Variants in CASK observed in about 807,000 individuals in gnomAD.
The protein encoded by CASK is calcium/calmodulin dependent serine protein kinase.
In CASK, 4 loss-of-function variants were observed where a neutral mutation model predicts 82.9. The observed-to-expected ratio is 0.05, with a 90% CI of 0.02 to 0.11. The LOEUF (loss-of-function observed/expected upper bound fraction) is 0.11, where lower values mean the gene tolerates loss of function less well. Among genes scored for constraint, CASK ranks in the 10% least tolerant of loss-of-function variants. CASK has a pLI of 1.00. For synonymous variants in CASK, 259 were observed against 253.5 expected (o/e 1.02, Z -0.20); for missense variants, 358 against 720.9 (o/e 0.50, Z 5.76).
chrX:41,778,473 C>T (rs746466961), intron 3 of CASK, among the ~76,000 whole-genome samples: 5 of 110,779 alleles, frequency 4.5e-5, no homozygotes, highest in African/African-American at 6.6e-5. Context: ...TCAAGTGATC[C>T]GCCCGCCTTG....
chrX:41,912,300 G>GTTTTTTTTTT (rs774775542), intron 1 of CASK, among the ~76,000 whole-genome samples: 5 of 53,170 alleles, frequency 9.4e-5, no homozygotes, highest in Non-Finnish European at 1.4e-4. Context: ...TTTGTTTTCT[G>GTTTTTTTTTT]TTTTTTTTTT....
At chrX:41,846,515 C>A (rs925733381) in intron 2 of CASK, among the ~76,000 whole-genome samples, 26 of 110,258 alleles carry the variant, frequency 2.4e-4, no homozygotes, top group Non-Finnish European at 4.4e-4. Context: ...ATGAATAAGA[C>A]CTAGTATTTG....
At chrX:41,534,341 ATT>A (rs1452976834) in intron 24 of CASK, among the ~76,000 whole-genome samples, 1 of 109,815 alleles carries the variant, frequency 9.1e-6, no homozygotes, top group African/African-American at 3.3e-5. Context: ...TGTATGACAT[ATT>A]GTTAGAAAAA....
At chrX:41,822,252 T>C (rs185375963) in intron 2 of CASK, among the ~76,000 whole-genome samples, 1 of 112,083 alleles carries the variant, frequency 8.9e-6, no homozygotes, top group Non-Finnish European at 1.9e-5. Context: ...TTGTTGAGCA[T>C]TTACTATGTG....
chrX:41,616,008 T>C (rs1242954857), intron 11 of CASK, among the ~76,000 whole-genome samples: 5 of 111,679 alleles, frequency 4.5e-5, no homozygotes, highest in Non-Finnish European at 3.8e-5. Context: ...AACAACCTTT[T>C]ATCAAGTGAA....
At chrX:41,891,632 T>C (rs1345823475) in intron 1 of CASK, among the ~76,000 whole-genome samples, 1 of 111,667 alleles carries the variant, frequency 9.0e-6, no homozygotes, top group African/African-American at 3.3e-5. Context: ...AGTTGTAATA[T>C]CCAATCATAT....
intron 2 of CASK, among the ~76,000 whole-genome samples, chrX:41,849,521 A>G (rs1023762659): frequency 8.9e-6 from 1 of 111,927 alleles, no homozygotes; most frequent in East Asian, 2.8e-4. Flanking sequence ...TCATGTTCAT[A>G]AGCATGAATT....
chrX:41,796,668 C>T (rs1311816330), intron 2 of CASK, among the ~76,000 whole-genome samples: 2 of 111,971 alleles, frequency 1.8e-5, no homozygotes, highest in African/African-American at 3.2e-5. Context: ...ATGTGTGTGG[C>T]CTACTGATTA....
At chrX:41,804,066 G>A (rs1250725099) in intron 2 of CASK, among the ~76,000 whole-genome samples, 2 of 111,468 alleles carry the variant, frequency 1.8e-5, no homozygotes, top group Non-Finnish European at 3.8e-5. Flanking sequence ...TATGATAATT[G>A]GCCAGGCGCG....
intron 1 of CASK, among the ~76,000 whole-genome samples, chrX:41,897,530 A>G (rs1184102677): frequency 9.0e-6 from 1 of 111,574 alleles, no homozygotes; most frequent in Non-Finnish European, 1.9e-5. Context: ...GTGTGATAAT[A>G]GTTTTTAAGT....
chrX:41,894,039 A>C (rs892704691), intron 1 of CASK, among the ~76,000 whole-genome samples: 1 of 112,129 alleles, frequency 8.9e-6, no homozygotes, highest in African/African-American at 3.2e-5. Context: ...GAAAAAAAGC[A>C]GCCAATAGAA....
At chrX:41,813,109 A>G (rs1162495032) in intron 2 of CASK, among the ~76,000 whole-genome samples, 1 of 111,830 alleles carries the variant, frequency 8.9e-6, no homozygotes, top group Non-Finnish European at 1.9e-5. Context: ...AACAAATGGA[A>G]GAACATTCCA....
At chrX:41,854,236 A>ACACACT (rs2071330603) in intron 1 of CASK, among the ~76,000 whole-genome samples, 9 of 106,747 alleles carry the variant, frequency 8.4e-5, no homozygotes, top group Admixed American at 5.9e-4. Context: ...ACACACACAC[A>ACACACT]CACACACACA....
At chrX:41,813,660 A>G (rs2070351496) in intron 2 of CASK, among the ~76,000 whole-genome samples, 1 of 111,680 alleles carries the variant, frequency 9.0e-6, no homozygotes, top group African/African-American at 3.3e-5. Context: ...CCTAGGCAAT[A>G]CCATTCAGGA....
At chrX:41,662,836 ATTTT>A (rs753603017) in intron 7 of CASK, among the ~76,000 whole-genome samples, 1 of 92,140 alleles carries the variant, frequency 1.1e-5, no homozygotes. Context: ...TTTGAAATCT[ATTTT>A]TTTTTTTTTT....
At chrX:41,609,706 G>A (rs1410544483) in intron 12 of CASK, among the ~76,000 whole-genome samples, 198 bp downstream of exon 12, 2 of 109,522 alleles carry the variant, frequency 1.8e-5, no homozygotes, top group African/African-American at 6.7e-5. Context: ...CTACAGGCAT[G>A]CGCCACCACA....
chrX:41,583,458 A>G (rs1382861285), intron 14 of CASK, among the ~76,000 whole-genome samples: 1 of 110,444 alleles, frequency 9.1e-6, no homozygotes, highest in Non-Finnish European at 1.9e-5. Context: ...TTTTTTTTTG[A>G]GACAGAGTCT....
At chrX:41,745,447 T>C in intron 4 of CASK, 77 bp downstream of exon 4, 1 of 663,865 alleles carries the variant, frequency 1.5e-6, no homozygotes. Flanking sequence ...TCTTTATCAG[T>C]TTGTCATGTG....
At chrX:41,858,005 T>A (rs1052683901) in intron 1 of CASK, among the ~76,000 whole-genome samples, 2 of 112,513 alleles carry the variant, frequency 1.8e-5, no homozygotes, top group Non-Finnish European at 3.8e-5. Context: ...CAGACCATCA[T>A]TAACCATAAG....
Sources: allele counts gnomAD v4.1 joint callset (sites outside exome capture counted in the v4.1 genomes callset), GRCh38; gene constraint gnomAD v4.1.1; transcripts MANE v1.5; gene names NCBI Gene and HGNC (gene_info 2026-07-23, HGNC 2026-07-21).